Variants in DGKK observed in about 807,000 individuals in gnomAD.
The protein encoded by DGKK is diacylglycerol kinase kappa, also known as 142 kDa diacylglycerol kinase.
DGKK carries 35 observed loss-of-function variants against 92.2 expected under a neutral mutation model. That is an observed-to-expected ratio of 0.38 (90% CI 0.29 to 0.50). The LOEUF is 0.50. Among genes scored for constraint, DGKK ranks in the 20% least tolerant of loss-of-function variants. The pLI is 0.92. For missense variants in DGKK, 910 were observed against 992.2 expected, an observed-to-expected ratio of 0.92 and a Z score of 1.11; for synonymous variants, 368 against 360.6, an observed-to-expected ratio of 1.02 and a Z score of -0.23.
intron 13 of DGKK, among the ~76,000 whole-genome samples, 166 bp downstream of exon 13, chrX:50,388,361 A>G (rs1924601107): frequency 8.9e-6 from 1 of 111,905 alleles, no homozygotes; most frequent in African/African-American, 3.2e-5. Flanking sequence ...CCTCAATGTC[A>G]TCTTTCTTTC....
chrX:50,390,368 A>G lies in DGKK; in HGVS notation c.1886T>C (p.Leu629Pro). 8.3e-7 allele frequency: 1 copy of G among 1,211,599 alleles called. No homozygotes were observed. Among genetic ancestry groups the G allele is most frequent in the Non-Finnish European group, 1.1e-6 (1 of 895,144 alleles). Residue 629 changes from leucine to proline, a missense_variant, in exon 12 of 28, where the codon CTG becomes CCG. By Grantham distance (98) the Leu-to-Pro change is moderately conservative (BLOSUM62 -3). Coordinates refer to ENST00000611977, the MANE Select transcript of DGKK (RefSeq NM_001013742.4). ...MIRETPRQTP[L>P]LKGQVEMDVP... is the part of the protein sequence containing the mutation. ...ATCCATTTCAACCTGTCCTTTTAGC[A>G]GCGGGGTTTGTCTGGGAGTCTCACG...
In DGKK at chrX:50,414,283, T is replaced by A. The variant is rs1309577784; in HGVS notation, c.942+6120A>T. 2.7e-5 allele frequency among the ~76,000 whole-genome samples: 3 copies of A among 111,387 alleles called. No individual in the cohort carries two copies. In the Admixed American group the frequency reaches 2.9e-4, roughly 11 times the overall value. ...TTTTGAGATCTATTGTGCAGCAGGG[T>A]AACTATAGTCAATAACAATGAATTA... is the stretch of plus-strand genomic sequence containing the variant. On this transcript the variant is annotated intron_variant, in intron 4 of 27. Coordinates refer to ENST00000611977, the MANE Select transcript of DGKK (RefSeq NM_001013742.4).
chrX:50,383,476 CATAA>C (rs1225569902), intron 17 of DGKK, among the ~76,000 whole-genome samples: 4 of 111,869 alleles, frequency 3.6e-5, no homozygotes, highest in Non-Finnish European at 1.9e-5. Flanking sequence ...TTTAAGAAAA[CATAA>C]ATAATTTCTA....
chrX:50,446,475 A>T (rs1926309329), intron 1 of DGKK, among the ~76,000 whole-genome samples: 1 of 111,591 alleles, frequency 9.0e-6, no homozygotes, highest in Non-Finnish European at 1.9e-5. Flanking sequence ...ATGGCTAATG[A>T]TGTGGAACAT....
At position 50,420,523 on chromosome X, in the gene DGKK, C is replaced by T. The variant is rs1029052361; in HGVS notation, c.838-16G>A. 4.2e-6 allele frequency: 5 copies of T among 1,191,848 alleles called. No individual in the cohort carries two copies. The highest frequency in any genetic ancestry group is 1.8e-5 in the African/African-American group (1 of 56,635). ...GTGTAATAACCTAAACAAAAAGCCA[C>T]ATTATTAGCTGGTTCCCACTCCATA... On this transcript the variant is annotated splice_polypyrimidine_tract_variant and intron_variant, in intron 3 of 27. Transcript: ENST00000611977.
chrX:50,413,862 T>C (rs1177831310), intron 4 of DGKK, among the ~76,000 whole-genome samples: 1 of 111,957 alleles, frequency 8.9e-6, no homozygotes, highest in Non-Finnish European at 1.9e-5. Context: ...TCTAGGTATA[T>C]GTGAAAAGAA....
chrX:50,447,374 TATATATATA>T (rs1366180530), intron 1 of DGKK, among the ~76,000 whole-genome samples: 4,297 of 19,878 alleles, frequency 0.22, 755 homozygotes, highest in African/African-American at 0.58. Flanking sequence ...ATATATTATA[TATATATATA>T]ATATATATAT....
intron 1 of DGKK, among the ~76,000 whole-genome samples, chrX:50,467,561 A>G (rs1480098098): frequency 8.8e-6 from 1 of 113,042 alleles, no homozygotes; most frequent in East Asian, 2.8e-4. Context: ...GCACATATGT[A>G]TAGTATGTGT....
intron 24 of DGKK, among the ~76,000 whole-genome samples, chrX:50,375,590 C>T (rs927008190): frequency 8.9e-6 from 1 of 111,746 alleles, no homozygotes; most frequent in African/African-American, 3.3e-5. Context: ...CATGGGGTGA[C>T]ACATTTAACA....
chrX:50,433,655 G>A (rs782258477), intron 1 of DGKK, among the ~76,000 whole-genome samples: 18 of 111,435 alleles, frequency 1.6e-4, no homozygotes, highest in African/African-American at 3.9e-4. Flanking sequence ...GGTTGCCTTT[G>A]CTCCACAAAT....
chrX:50,378,453 A>C, intron 21 of DGKK, 125 bp downstream of exon 21: 1 of 755,725 alleles, frequency 1.3e-6, no homozygotes. Context: ...TTTACTGCCC[A>C]CCAGATAACC....
At chrX:50,466,163 T>C (rs7064725) in intron 1 of DGKK, among the ~76,000 whole-genome samples, 48,450 of 108,091 alleles carry the variant, frequency 0.45, 9,795 homozygotes, top group African/African-American at 0.77. Context: ...AATACTTCAT[T>C]ATCTTTTCTA....
chrX:50,388,528 T>G lies in DGKK; in HGVS notation c.2017A>C (p.Arg673=). The G allele has an allele frequency of 1.7e-6, 2 of 1,201,864 alleles. No individual in the cohort carries two copies. The highest frequency in any genetic ancestry group is 3.5e-5 in the African/African-American group (2 of 57,487). Residue 673 remains arginine, a splice_region_variant and synonymous_variant, in exon 13 of 28, where the codon AGA becomes CGA. Coordinates refer to ENST00000611977, the MANE Select transcript of DGKK (RefSeq NM_001013742.4). ...GATGAGAGCCAAAGGAAGACTGACC[T>G]GGTTGCGATGATCATCTCTGTGGGG... ...KYPTEMIIAT[R]FLCSAVEDFV...
intron 25 of DGKK, among the ~76,000 whole-genome samples, chrX:50,374,065 A>C (rs1434261942): frequency 8.9e-6 from 1 of 112,163 alleles, no homozygotes; most frequent in Non-Finnish European, 1.9e-5. Flanking sequence ...GAAGTCACAC[A>C]GCTAGTGTTA....
intron 1 of DGKK, among the ~76,000 whole-genome samples, chrX:50,467,092 A>G (rs1926927791): frequency 8.9e-6 from 1 of 112,366 alleles, no homozygotes; most frequent in Admixed American, 9.4e-5. Context: ...TCTACTTCAT[A>G]TAAGCCCCAT....
At chrX:50,453,898 C>T (rs1926548371) in intron 1 of DGKK, among the ~76,000 whole-genome samples, 1 of 110,029 alleles carries the variant, frequency 9.1e-6, no homozygotes, top group African/African-American at 3.3e-5. Context: ...GAAAATGAGA[C>T]ATTATCAACA....
At chrX:50,411,537 A>T (rs954708793) in intron 4 of DGKK, among the ~76,000 whole-genome samples, 1 of 111,921 alleles carries the variant, frequency 8.9e-6, no homozygotes. Context: ...AAAAGAAAAA[A>T]ACCTCTCAAC....
At chrX:50,406,464 G>T (rs1198600663) in intron 4 of DGKK, among the ~76,000 whole-genome samples, 1 of 111,384 alleles carries the variant, frequency 9.0e-6, no homozygotes, top group Non-Finnish European at 1.9e-5. Context: ...ATTAAGATGA[G>T]GCCATAATGG....
chrX:50,406,581 A>G (rs1332658024), intron 4 of DGKK, among the ~76,000 whole-genome samples: 2 of 111,927 alleles, frequency 1.8e-5, no homozygotes, highest in Non-Finnish European at 3.8e-5. Flanking sequence ...GATACAGAGC[A>G]CACAGACACA....
Sources: allele counts gnomAD v4.1 joint callset (sites outside exome capture counted in the v4.1 genomes callset), GRCh38; gene constraint gnomAD v4.1.1; transcripts MANE v1.5; gene names NCBI Gene and HGNC (gene_info 2026-07-23, HGNC 2026-07-21).